Variants in TRPV3 observed in about 807,000 individuals in gnomAD.
TRPV3 encodes the protein transient receptor potential cation channel subfamily V member 3.
TRPV3 carries 88 observed loss-of-function variants against 87.1 expected under a neutral mutation model. The ratio of observed to expected loss-of-function variants is 1.01; its 90% CI spans 0.85 to 1.21. TRPV3 has a LOEUF of 1.21. Among genes scored for constraint, TRPV3 ranks in the 50% most tolerant of loss-of-function variants. TRPV3 has a pLI of 0.00. For synonymous variants in TRPV3, 438 were observed against 423.3 expected (o/e 1.03, Z -0.43); for missense variants, 1,054 against 1,030.1 (o/e 1.02, Z -0.32).
At position 3,525,502 on chromosome 17, in the gene TRPV3, G is replaced by A. The variant is rs949338942; in HGVS notation, c.1578-1139C>T. On this transcript the variant is annotated intron_variant, in intron 12 of 17. Transcript: ENST00000576742. ...GTATGGAGTTTGAGTTTTACAGGAC[G>A]AAAACAGTTCTAAAGACTGATTGCC... Among the ~76,000 whole-genome samples, 7 of 152,052 alleles carry A rather than the reference G, an allele frequency of 4.6e-5. No individual in the cohort carries two copies. The South Asian group carries it at 8.3e-4, about 18-fold the overall frequency.
intron 2 of TRPV3, among the ~76,000 whole-genome samples, chr17:3,547,720 G>C (rs1435150180): frequency 2.0e-5 from 3 of 152,318 alleles, no homozygotes. Flanking sequence ...CGGTGGAGGG[G>C]GGCAGCGGAG....
Position 3,537,893 on chromosome 17 carries a change from A to T in TRPV3, c.644-2180T>A, listed in dbSNP as rs1355695698. Among the ~76,000 whole-genome samples, 345 of 81,364 alleles carry T rather than the reference A, an allele frequency of 4.2e-3. 2 individuals are homozygous for T. The highest frequency in any genetic ancestry group is 5.5e-3 in the Non-Finnish European group (263 of 48,108). 53.4% of individuals were successfully genotyped at this position (81,364 alleles called of 152,430 possible). ...CTAGAGAGCAAGACTCTGTCTTTTT[A>T]AAAAAAAAAAAAAAAAAAAGGCATG... On this transcript the variant is annotated intron_variant, in intron 6 of 17. Coordinates refer to ENST00000576742, the MANE Select transcript of TRPV3 (RefSeq NM_145068.4).
intron 7 of TRPV3, among the ~76,000 whole-genome samples, chr17:3,533,693 T>C (rs2074372535): frequency 6.6e-6 from 1 of 152,148 alleles, no homozygotes; most frequent in Non-Finnish European, 1.5e-5. Flanking sequence ...GTGATGGGGT[T>C]TCCCCATGTT....
Position 3,542,515 on chromosome 17 carries a change from A to G in TRPV3, c.643+7T>C, listed in dbSNP as rs980444152. Reference sequence around the variant, plus strand: ...CTGTCTGCACAGCCCCTCTGCAGGCAGGATACCTTCATAGGCCTCCTCTGT... The same window carrying G: ...CTGTCTGCACAGCCCCTCTGCAGGCGGGATACCTTCATAGGCCTCCTCTGT... On this transcript the variant is annotated splice_region_variant and intron_variant, in intron 6 of 17. Transcript: ENST00000576742. 1.2e-6 allele frequency: 2 copies of G among 1,612,338 alleles called. No homozygotes were observed. The highest frequency in any genetic ancestry group is 8.5e-7 in the Non-Finnish European group (1 of 1,179,036).
In TRPV3 at chr17:3,526,764, G is replaced by C. The variant is rs981456055; in HGVS notation, c.1577+90C>G. The C allele has an allele frequency of 3.9e-6, 4 of 1,020,064 alleles. No homozygotes were observed. In the African/African-American group the frequency reaches 4.8e-5, roughly 12 times the overall value. 63.2% of individuals were successfully genotyped at this position (1,020,064 alleles called of 1,614,324 possible). On this transcript the variant is annotated intron_variant, in intron 12 of 17. Coordinates refer to ENST00000576742, the MANE Select transcript of TRPV3 (RefSeq NM_145068.4). ...TGACTGGGACACCGTGGCACAGTAGGATATTTGTTCAAGAGGCGGACACGG... is the reference window on the plus strand; with the variant it reads ...TGACTGGGACACCGTGGCACAGTAGCATATTTGTTCAAGAGGCGGACACGG...
chr17:3,554,020 C>G (rs1050286556), intron 2 of TRPV3: 1 of 152,622 alleles, frequency 6.6e-6, no homozygotes, highest in East Asian at 1.9e-4. Context: ...GGATGGGTGA[C>G]CCTAGAGAGG....
chr17:3,515,780 C>CG (rs1567628580), intron 16 of TRPV3, among the ~76,000 whole-genome samples: 1 of 152,128 alleles, frequency 6.6e-6, no homozygotes, highest in Non-Finnish European at 1.5e-5. Flanking sequence ...TCAAGTCACC[C>CG]GGGGTCACAG....
Position 3,528,404 on chromosome 17 carries a change from T to C in TRPV3, c.1402-278A>G, listed in dbSNP as rs1472174412. On this transcript the variant is annotated intron_variant, in intron 10 of 17. Transcript: ENST00000576742. The surrounding 1 kb of genome is among the most constrained non-coding windows in gnomAD (Gnocchi z 4.2). ...CAATAGCCTTTCCGGAACCCATCCA[T>C]ATCCAGGCACTCAACATGGCCTCAC... Among the ~76,000 whole-genome samples the C allele has an allele frequency of 1.3e-5, 2 of 152,144 alleles. No individual in the cohort carries two copies. Among genetic ancestry groups the C allele is most frequent in the Admixed American group, 1.3e-4 (2 of 15,274 alleles).
chr17:3,532,718 G>C lies in TRPV3; in HGVS notation c.1004C>G (p.Thr335Ser). The C allele has an allele frequency of 6.2e-7, 1 of 1,614,258 alleles. No homozygotes were observed. The highest frequency in any genetic ancestry group is 8.5e-7 in the Non-Finnish European group (1 of 1,180,048). The change falls in exon 8 of 18, where the codon ACC becomes AGC. Residue 335 changes from threonine to serine, a missense_variant. Physicochemically the swap from Thr to Ser is moderately conservative, Grantham distance 58. Transcript: ENST00000576742. The part of the protein sequence containing the change: ...LLRSGNWELE[T>S]TRNNDGLTPL... ...CGTGAGGCCATCGTTGTTGCGAGTGGTCTCCAGCTCCCAGTTGCCACTCCG... is the reference window on the plus strand; with the variant it reads ...CGTGAGGCCATCGTTGTTGCGAGTGCTCTCCAGCTCCCAGTTGCCACTCCG...
At chr17:3,549,751 T>C (rs970396363) in intron 2 of TRPV3, among the ~76,000 whole-genome samples, 1 of 143,878 alleles carries the variant, frequency 7.0e-6, no homozygotes, top group Non-Finnish European at 1.5e-5. Context: ...GATGGATAGG[T>C]GGATGGATGG....
At chr17:3,524,008 C>T (rs2074270850) in intron 13 of TRPV3, among the ~76,000 whole-genome samples, 190 bp downstream of exon 13, 1 of 152,138 alleles carries the variant, frequency 6.6e-6, no homozygotes, top group Admixed American at 6.5e-5. Context: ...CCCAGCACCC[C>T]ACAAGCCTGG....
At chr17:3,533,851 T>G (rs577754815) in intron 7 of TRPV3, among the ~76,000 whole-genome samples, 16 of 152,348 alleles carry the variant, frequency 1.1e-4, no homozygotes, top group African/African-American at 3.4e-4. Context: ...TATAAAATTC[T>G]TATTTATAGT....
chr17:3,534,393 A>T (rs1161367609), intron 7 of TRPV3, among the ~76,000 whole-genome samples: 1 of 152,038 alleles, frequency 6.6e-6, no homozygotes, highest in African/African-American at 2.4e-5. Flanking sequence ...AGACTCCATT[A>T]AAAAAATAAA....
intron 14 of TRPV3, among the ~76,000 whole-genome samples, chr17:3,519,460 A>AGATGGATGGATAGATAGATGATTG: frequency 2.5e-5 from 1 of 40,046 alleles, no homozygotes; most frequent in East Asian, 1.1e-3. Context: ...ATAGATGATT[A>AGATGGATGGATAGATAGATGATTG]GATGGATGGA....
chr17:3,532,573 C>T (rs2074358139), intron 8 of TRPV3, 84 bp downstream of exon 8: 7 of 1,507,868 alleles, frequency 4.6e-6, no homozygotes, highest in Non-Finnish European at 6.3e-6. Context: ...TGTGAATCCC[C>T]AGTAAGGCCC....
At chr17:3,551,435 T>C (rs1396715735) in intron 2 of TRPV3, among the ~76,000 whole-genome samples, 5 of 152,252 alleles carry the variant, frequency 3.3e-5, no homozygotes, top group Admixed American at 3.3e-4. Flanking sequence ...TGTTTGTTTC[T>C]TCCTTCCTTC....
intron 8 of TRPV3, among the ~76,000 whole-genome samples, chr17:3,532,314 C>T (rs964637347): frequency 1.3e-5 from 2 of 152,232 alleles, no homozygotes; most frequent in East Asian, 3.9e-4. Flanking sequence ...CTCCCGTCCT[C>T]GTGAGAGGCA....
In TRPV3 at chr17:3,554,770, T is replaced by G; in HGVS notation, c.81A>C (p.Pro27=). The change falls in exon 2 of 18, where the codon CCA becomes CCC. Residue 27 remains proline, a synonymous_variant. Transcript: ENST00000576742. ...AAPSGNPAIL[P]EKRPAEITPT... ...GGGTGATCTCCGCCGGCCTCTTCTC[T>G]GGCAGGATGGCAGGGTTCCCACTGG... is the stretch of plus-strand genomic sequence containing the variant. 2 of 1,613,020 alleles carry G rather than the reference T, an allele frequency of 1.2e-6. No homozygotes were observed. The highest frequency in any genetic ancestry group is 1.7e-6 in the Non-Finnish European group (2 of 1,179,562).
chr17:3,550,883 T>G (rs542627298), intron 2 of TRPV3, among the ~76,000 whole-genome samples: 1 of 152,188 alleles, frequency 6.6e-6, no homozygotes, highest in Non-Finnish European at 1.5e-5. Context: ...ATCCTCTGTG[T>G]AAGAAACTCA....
Sources: gnomAD v4.1 joint callset for allele counts (sites outside exome capture counted in the v4.1 genomes callset) on GRCh38, gnomAD v4.1.1 for gene constraint, Gnocchi (gnomAD v3.1) non-coding constraint, MANE v1.5 for transcripts, NCBI Gene and HGNC (gene_info 2026-07-23, HGNC 2026-07-21) for gene names.